NEGR1: variants seen among roughly 807,000 people sequenced by gnomAD.
NEGR1 encodes IgLON family member 4.
In NEGR1, 10 loss-of-function variants were observed where a neutral mutation model predicts 40.9. That is an observed-to-expected ratio of 0.24 (90% CI 0.15 to 0.42). The LOEUF is 0.42. Ranked by LOEUF, NEGR1 falls within the 10% of genes least tolerant of loss-of-function variation. The pLI is 1.00. For missense variants in NEGR1, 352 were observed against 438.9 expected (o/e 0.80, Z 1.77); for synonymous variants, 185 against 166.8 (o/e 1.11, Z -0.84).
chr1:71,899,794 T>C (rs1570478899), intron 2 of NEGR1, among the ~76,000 whole-genome samples: 1 of 152,180 alleles, frequency 6.6e-6, no homozygotes. Flanking sequence ...ATTCCATATT[T>C]GCCTTTAGTC....
intron 1 of NEGR1, among the ~76,000 whole-genome samples, chr1:72,208,919 G>A (rs1653501926): frequency 6.6e-6 from 1 of 151,414 alleles, no homozygotes; most frequent in African/African-American, 2.4e-5. Context: ...TTAAAAGAAT[G>A]GGTGATTCAT....
At chr1:72,244,745 A>T in intron 1 of NEGR1, among the ~76,000 whole-genome samples, 1 of 152,068 alleles carries the variant, frequency 6.6e-6, no homozygotes, top group Non-Finnish European at 1.5e-5. Context: ...AATATATAAC[A>T]TTATTCTATA....
intron 6 of NEGR1, among the ~76,000 whole-genome samples, chr1:71,444,249 A>T (rs927455186): frequency 1.3e-5 from 2 of 152,184 alleles, no homozygotes; most frequent in Non-Finnish European, 2.9e-5. Context: ...AAAAAGCCTT[A>T]TCATTTCAGC....
rs1360116053 is a variant in NEGR1 at position 71,400,166 on chromosome 1, G to A, written c.*7280C>T. ...TTAGCAATCCATTTGAAATGAAGGA[G>A]GGAAACCACCCTCTTTAACATTTTA... On this transcript the variant is annotated 3_prime_UTR_variant, in exon 7 of 7. Transcript: ENST00000357731. The A allele has an allele frequency of 1.3e-5, 2 of 152,136 alleles. No individual in the cohort carries two copies. The highest frequency in any genetic ancestry group is 4.8e-5 in the African/African-American group (2 of 41,448). 9.4% of individuals were successfully genotyped at this position (152,136 alleles called of 1,614,324 possible). A position where few individuals can be genotyped will look rare whatever the true frequency, so the allele number is the denominator to read the frequency against.
intron 1 of NEGR1, among the ~76,000 whole-genome samples, chr1:72,124,766 T>G (rs1216452475): frequency 2.0e-5 from 3 of 152,026 alleles, no homozygotes; most frequent in East Asian, 1.9e-4. Context: ...TATAGAAGAA[T>G]TGCTAATAAA....
At chr1:71,852,312 T>G (rs1468020280) in intron 2 of NEGR1, among the ~76,000 whole-genome samples, 1 of 152,172 alleles carries the variant, frequency 6.6e-6, no homozygotes, top group Non-Finnish European at 1.5e-5. Context: ...CTTTTCATAT[T>G]CTGTCAGAAC....
chr1:71,529,047 C>T (rs956497734), intron 6 of NEGR1, among the ~76,000 whole-genome samples: 1 of 150,154 alleles, frequency 6.7e-6, no homozygotes, highest in African/African-American at 2.4e-5. Context: ...TTTTTTTTTA[C>T]TATGAATAAC....
intron 2 of NEGR1, among the ~76,000 whole-genome samples, chr1:71,896,195 G>A (rs1660968993): frequency 6.6e-6 from 1 of 151,856 alleles, no homozygotes; most frequent in Non-Finnish European, 1.5e-5. Flanking sequence ...ATGCCACCAT[G>A]CCTGGCTAAT....
At chr1:72,209,262 C>G (rs1365486686) in intron 1 of NEGR1, among the ~76,000 whole-genome samples, 4 of 151,214 alleles carry the variant, frequency 2.6e-5, no homozygotes, top group Non-Finnish European at 5.9e-5. Context: ...TTTCTATGAA[C>G]CTGTACTCAA....
intron 6 of NEGR1, among the ~76,000 whole-genome samples, chr1:71,580,020 C>T (rs370182583): frequency 9.2e-5 from 14 of 152,134 alleles, no homozygotes; most frequent in South Asian, 2.1e-4. Flanking sequence ...ATGCTCATTG[C>T]GGCATTATTC....
intron 1 of NEGR1, among the ~76,000 whole-genome samples, chr1:72,153,537 G>A (rs1223894818): frequency 1.3e-5 from 2 of 151,812 alleles, no homozygotes; most frequent in Non-Finnish European, 2.9e-5. Flanking sequence ...CAAAAAAGCA[G>A]TTAAATATAT....
intron 1 of NEGR1, among the ~76,000 whole-genome samples, chr1:72,255,546 TC>T (rs944295979): frequency 1.2e-4 from 15 of 128,300 alleles, no homozygotes; most frequent in Admixed American, 2.3e-4. Flanking sequence ...CAAAAATACT[TC>T]TTTTTTTTTT....
chr1:72,142,914 G>T (rs1006702039), intron 1 of NEGR1, among the ~76,000 whole-genome samples: 3 of 151,758 alleles, frequency 2.0e-5, no homozygotes, highest in African/African-American at 7.3e-5. Context: ...TTATATATTT[G>T]CTTTGGAAGG....
intron 4 of NEGR1, among the ~76,000 whole-genome samples, chr1:71,674,514 C>T (rs1464863080): frequency 6.6e-5 from 10 of 151,392 alleles, no homozygotes; most frequent in Non-Finnish European, 8.8e-5. Flanking sequence ...AGCTATATAA[C>T]AATTCTAGGT....
chr1:72,077,156 A>C lies in NEGR1; in HGVS notation c.177-141845T>G, dbSNP rs554623805. Among the ~76,000 whole-genome samples, 14 of 152,022 alleles carry C rather than the reference A, an allele frequency of 9.2e-5. No homozygotes were observed. In the East Asian group the frequency reaches 2.7e-3, roughly 30 times the overall value. ...TGATCCATCCGCCTCGGCCTCCCAAAGTGCTGGGATTACAGACATGAGCCA... is the reference window on the plus strand; with the variant it reads ...TGATCCATCCGCCTCGGCCTCCCAACGTGCTGGGATTACAGACATGAGCCA... On this transcript the variant is annotated intron_variant, in intron 1 of 6. Coordinates refer to ENST00000357731, the MANE Select transcript of NEGR1 (RefSeq NM_173808.3).
chr1:72,234,241 T>G (rs2100503138), intron 1 of NEGR1, among the ~76,000 whole-genome samples: 1 of 152,200 alleles, frequency 6.6e-6, no homozygotes, highest in African/African-American at 2.4e-5. Flanking sequence ...GGGTATTTGG[T>G]TTTCTGTTCC....
At chr1:71,995,450 C>A (rs1277949042) in intron 1 of NEGR1, among the ~76,000 whole-genome samples, 1 of 151,916 alleles carries the variant, frequency 6.6e-6, no homozygotes, top group Non-Finnish European at 1.5e-5. Flanking sequence ...AAAAAAAAAT[C>A]AGATACAGGC....
chr1:72,128,163 G>T (rs1483399462), intron 1 of NEGR1, among the ~76,000 whole-genome samples: 1 of 152,000 alleles, frequency 6.6e-6, no homozygotes, highest in Non-Finnish European at 1.5e-5. Flanking sequence ...TTTCCCATTT[G>T]CTACAAGATA....
At position 72,225,398 on chromosome 1, in the gene NEGR1, T is replaced by C. The variant is rs911645283; in HGVS notation, c.176+56921A>G. 4.5e-4 allele frequency among the ~76,000 whole-genome samples: 69 copies of C among 151,964 alleles called. 1 individual carries two copies. Among genetic ancestry groups the C allele is most frequent in the Admixed American group, 2.2e-3 (33 of 15,248 alleles). ...AAAACTAAAATATAAAACAAACTTT[T>C]ATTTTCTTTAAATATGAGTTTTGTA... On this transcript the variant is annotated intron_variant, in intron 1 of 6. Transcript: ENST00000357731.
Sources: allele counts gnomAD v4.1 joint callset (sites outside exome capture counted in the v4.1 genomes callset), GRCh38; gene constraint gnomAD v4.1.1; transcripts MANE v1.5; gene names NCBI Gene and HGNC (gene_info 2026-07-23, HGNC 2026-07-21).